LYZL1: variants seen among roughly 807,000 people sequenced by gnomAD.
LYZL1 encodes the protein lysozyme like 1.
A neutral mutation model predicts 17.9 loss-of-function variants in LYZL1; 16 were observed. The observed-to-expected ratio is 0.90, with a 90% confidence interval of 0.61 to 1.36. LYZL1 has a LOEUF of 1.36. Ranked by LOEUF, LYZL1 falls within the 40% of genes most tolerant of loss-of-function variation. The pLI, the probability that LYZL1 is intolerant of heterozygous loss-of-function variation, is 0.00. For missense variants in LYZL1, 149 were observed against 188.4 expected (o/e 0.79, Z 1.22); for synonymous variants, 58 against 71.8 (o/e 0.81, Z 0.97).
intron 3 of LYZL1, among the ~76,000 whole-genome samples, chr10:29,300,116 C>T (rs571974985): frequency 2.0e-5 from 3 of 152,128 alleles, no homozygotes; most frequent in South Asian, 2.1e-4. Context: ...CATCGTGGAA[C>T]CTTGATTAGA....
At chr10:29,316,009 C>T (rs143754149), downstream of LYZL1, among the ~76,000 whole-genome samples, 321 of 152,290 alleles carry the variant, frequency 2.1e-3, 1 homozygote, top group Middle Eastern at 0.02. Context: ...GGACAGACAT[C>T]GCCATCCCCC....
At chr10:29,298,822 T>C (rs1006493117) in intron 3 of LYZL1, among the ~76,000 whole-genome samples, 4 of 152,116 alleles carry the variant, frequency 2.6e-5, no homozygotes, top group Admixed American at 6.5e-5. Context: ...CAGGGACCAG[T>C]TTGCAGAAGA....
At chr10:29,290,958 C>T (rs1474136420) in intron 1 of LYZL1, among the ~76,000 whole-genome samples, 1 of 152,118 alleles carries the variant, frequency 6.6e-6, no homozygotes, top group Non-Finnish European at 1.5e-5. Flanking sequence ...TCGATAAACC[C>T]CCAAACAATA....
chr10:29,297,789 T>C (rs2132821170), intron 3 of LYZL1, among the ~76,000 whole-genome samples: 1 of 152,296 alleles, frequency 6.6e-6, no homozygotes, highest in Non-Finnish European at 1.5e-5. Flanking sequence ...AGGAACATCC[T>C]CATACAATTT....
intron 3 of LYZL1, among the ~76,000 whole-genome samples, chr10:29,300,151 G>C (rs989695857): frequency 1.3e-5 from 2 of 151,994 alleles, no homozygotes; most frequent in Admixed American, 6.6e-5. Context: ...TGTGATTATT[G>C]ATATGGTTAG....
At chr10:29,297,301 A>T (rs1330176520) in intron 3 of LYZL1, among the ~76,000 whole-genome samples, 2 of 152,162 alleles carry the variant, frequency 1.3e-5, no homozygotes, top group Non-Finnish European at 2.9e-5. Context: ...ACTTTTTAGC[A>T]GGAGAGAAGA....
chr10:29,304,817 C>T (rs939753064), intron 3 of LYZL1, among the ~76,000 whole-genome samples: 1 of 152,160 alleles, frequency 6.6e-6, no homozygotes, highest in African/African-American at 2.4e-5. Flanking sequence ...CCTACTTTCC[C>T]TAACATATTT....
At chr10:29,314,852 C>T (rs566442620), downstream of LYZL1, among the ~76,000 whole-genome samples, 7 of 152,260 alleles carry the variant, frequency 4.6e-5, no homozygotes, top group South Asian at 2.1e-4. Flanking sequence ...GGGGCCACAG[C>T]GCAATGGCAG....
At position 29,295,472 on chromosome 10, in the gene LYZL1, C is replaced by T. The variant is rs143981155; in HGVS notation, c.298+2795C>T. Among the ~76,000 whole-genome samples, 281 of 152,286 alleles carry T rather than the reference C, an allele frequency of 1.8e-3. 1 individual carries two copies. Among genetic ancestry groups the T allele is most frequent in the African/African-American group, 6.6e-3 (275 of 41,542 alleles). ...CTTATTAGCATTCCCTAAGAGCTCACCAATGGAGTCTTTCAGTTAAATATG... is the reference window on the plus strand; with the variant it reads ...CTTATTAGCATTCCCTAAGAGCTCATCAATGGAGTCTTTCAGTTAAATATG... On this transcript the variant is annotated intron_variant, in intron 3 of 4. Transcript: ENST00000649382.
chr10:29,294,393 T>C (rs1287229156), intron 3 of LYZL1, among the ~76,000 whole-genome samples: 2 of 152,196 alleles, frequency 1.3e-5, no homozygotes, highest in Non-Finnish European at 2.9e-5. Flanking sequence ...ACCACAGTTA[T>C]TGAGCTAAGT....
chr10:29,294,540 G>A (rs565341233), intron 3 of LYZL1, among the ~76,000 whole-genome samples: 2 of 152,288 alleles, frequency 1.3e-5, no homozygotes, highest in Non-Finnish European at 2.9e-5. Context: ...TCCCTTGAGG[G>A]CAGAGAGTTC....
intron 3 of LYZL1, among the ~76,000 whole-genome samples, chr10:29,299,092 A>G (rs1283238009): frequency 1.3e-5 from 2 of 152,224 alleles, no homozygotes; most frequent in African/African-American, 2.4e-5. Flanking sequence ...GATCCCTTGC[A>G]TGCTCAGTTC....
chr10:29,298,323 G>A (rs186945479), intron 3 of LYZL1, among the ~76,000 whole-genome samples: 1 of 152,332 alleles, frequency 6.6e-6, no homozygotes, highest in African/African-American at 2.4e-5. Context: ...TTCAAGGGAT[G>A]TGACTTGTGC....
At position 29,292,606 on chromosome 10, in the gene LYZL1, A is replaced by G. The variant is rs2132814570; in HGVS notation, c.227A>G (p.Gln76Arg). ...GGCAGCATCGACTATGGCATCTTCC[A>G]GATCAACAGCTTCGCGTGGTGCAGA... ...DDGSIDYGIF[Q>R]INSFAWCRRG... The change falls in exon 3 of 5, where the codon CAG becomes CGG. Residue 76 changes from glutamine to arginine, a missense_variant. By Grantham distance (43) the Gln-to-Arg change is conservative. This residue lies in a region of LYZL1 where 130 missense variants were observed against 132.5 expected (regional missense o/e 0.98). Coordinates refer to ENST00000649382, the MANE Select transcript of LYZL1 (RefSeq NM_032517.6). The G allele has an allele frequency of 6.2e-7, 1 of 1,614,150 alleles. No homozygotes were observed. The highest frequency in any genetic ancestry group is 1.1e-5 in the South Asian group (1 of 91,084).
At chr10:29,296,722 T>G (rs1347742314) in intron 3 of LYZL1, among the ~76,000 whole-genome samples, 4 of 152,146 alleles carry the variant, frequency 2.6e-5, no homozygotes, top group Admixed American at 2.6e-4. Context: ...AAGATTTTCT[T>G]CTAGGGATCT....
chr10:29,289,417 C>CTTTTT (rs11347424), intron 1 of LYZL1, among the ~76,000 whole-genome samples, 187 bp downstream of exon 1: 6 of 128,710 alleles, frequency 4.7e-5, no homozygotes, highest in Admixed American at 7.6e-5. Flanking sequence ...TTTTTCTTTT[C>CTTTTT]TTTTTTTTTT....
intron 3 of LYZL1, among the ~76,000 whole-genome samples, chr10:29,303,598 T>C (rs1835550843): frequency 1.3e-5 from 2 of 152,216 alleles, no homozygotes. Flanking sequence ...TCTTAGATTC[T>C]AAGAAATTAA....
At chr10:29,303,878 G>A (rs891155724) in intron 3 of LYZL1, among the ~76,000 whole-genome samples, 3 of 152,196 alleles carry the variant, frequency 2.0e-5, no homozygotes, top group African/African-American at 7.2e-5. Context: ...TACAAGGTAC[G>A]TGACGTTATA....
At chr10:29,306,909 C>T (rs1446093291) in intron 3 of LYZL1, among the ~76,000 whole-genome samples, 1 of 151,566 alleles carries the variant, frequency 6.6e-6, no homozygotes, top group Admixed American at 6.6e-5. Flanking sequence ...GCCTGAAGTG[C>T]GGTGGTGCAA....
Sources: allele counts gnomAD v4.1 joint callset (sites outside exome capture counted in the v4.1 genomes callset), GRCh38; gene constraint gnomAD v4.1.1; regional missense constraint gnomAD v4.1.1; transcripts MANE v1.5; gene names NCBI Gene and HGNC (gene_info 2026-07-23, HGNC 2026-07-21).